Variants in TYMS observed in about 807,000 individuals in gnomAD.
TYMS encodes the protein thymidylate synthase.
Under a neutral mutation model 39.3 loss-of-function variants are expected in TYMS, and 21 were observed. The observed-to-expected ratio is 0.54, with a 90% CI of 0.38 to 0.77. The LOEUF (loss-of-function observed/expected upper bound fraction) is 0.77. Ranked by LOEUF, TYMS falls within the 30% of genes least tolerant of loss-of-function variation. TYMS has a pLI of 0.00. For synonymous variants in TYMS, 171 were observed against 162.2 expected (o/e 1.05, Z -0.41); for missense variants, 273 against 406.7 (o/e 0.67, Z 2.83).
At position 658,689 on chromosome 18, in the gene TYMS, G is replaced by T; in HGVS notation, c.205+742G>T. On this transcript the variant is annotated intron_variant, in intron 1 of 6. Transcript: ENST00000323274. This position sits in a 1 kb window ranked among gnomAD's most constrained non-coding sequence, Gnocchi z 4.5. ...TTAGGCAGCCGTTGGCCCTCCCTAA[G>T]GCCACACCGTCCTGCCGTCCTGGAT... 1 of 260,198 alleles carries T rather than the reference G, an allele frequency of 3.8e-6. No homozygotes were observed. 16.1% of individuals were successfully genotyped at this position (260,198 alleles called of 1,614,324 possible).
chr18:662,106 T>A (rs780511409), intron 2 of TYMS, 40 bp from the exon 3 acceptor site: 2 of 1,562,012 alleles, frequency 1.3e-6, no homozygotes, highest in East Asian at 4.5e-5. Flanking sequence ...TGGCTTAGGA[T>A]TTACCTGGAT....
rs1454862170 is a variant in TYMS at position 660,725 on chromosome 18, C to T, written c.279+1011C>T. On this transcript the variant is annotated intron_variant, in intron 2 of 6. Transcript: ENST00000323274. The surrounding 1 kb of genome is among the most constrained non-coding windows in gnomAD (Gnocchi z 4.6). ...ACAGGCAGCAGCCCAGACCAAGCTT[C>T]TCTGTGTTCCGTGTCCTGGTCTAGA... is the stretch of plus-strand genomic sequence containing the variant. Among the ~76,000 whole-genome samples the T allele has an allele frequency of 6.6e-6, 1 of 152,206 alleles. No individual in the cohort carries two copies. The highest frequency in any genetic ancestry group is 1.5e-5 in the Non-Finnish European group (1 of 68,042).
intron 6 of TYMS, 183 bp from the exon 7 acceptor site, chr18:672,677 C>A: frequency 1.8e-6 from 1 of 549,158 alleles, no homozygotes; most frequent in Non-Finnish European, 3.1e-6. Flanking sequence ...TCGATCTGTG[C>A]AAGAGAACAG....
At chr18:671,054 AT>A in intron 5 of TYMS, 187 bp downstream of exon 5, 1 of 677,286 alleles carries the variant, frequency 1.5e-6, no homozygotes, top group Non-Finnish European at 2.5e-6. Context: ...GCCCTGTGGT[AT>A]ACGCACTAAC....
chr18:666,569 C>T (rs2144291274), intron 3 of TYMS, among the ~76,000 whole-genome samples: 1 of 152,296 alleles, frequency 6.6e-6, no homozygotes, highest in East Asian at 1.9e-4. Context: ...ACTAGCTGGG[C>T]AGAGACCAGC....
chr18:666,888 GGGAGATGGTGAT>G (rs138881427), intron 3 of TYMS, among the ~76,000 whole-genome samples: 6,325 of 90,696 alleles, frequency 0.07, 971 homozygotes, highest in East Asian at 0.11. Context: ...GAAAAAGTTC[GGGAGATGGTGAT>G]GGAGATGGTG....
rs576822037 is a variant in TYMS, at chr18:658,435, C to G, written c.205+488C>G. 2.2e-6 allele frequency: 2 copies of G among 902,848 alleles called. No homozygotes were observed. The highest frequency in any genetic ancestry group is 1.6e-5 in the South Asian group (1 of 60,944). 55.9% of individuals were successfully genotyped at this position (902,848 alleles called of 1,614,324 possible). A position where few individuals can be genotyped will look rare whatever the true frequency, so the allele number is the denominator to read the frequency against. On this transcript the variant is annotated intron_variant, in intron 1 of 6. Coordinates refer to ENST00000323274, the MANE Select transcript of TYMS (RefSeq NM_001071.4). The surrounding 1 kb of genome is among the most constrained non-coding windows in gnomAD (Gnocchi z 4.5). ...CAAAGGCGGCGGGAAGAGGAGAGCA[C>G]TGAAGCTGGCGCGGGAACTTGGTTT...
At chr18:662,074 G>A (rs2074761760) in intron 2 of TYMS, 72 bp from the exon 3 acceptor site, 4 of 1,498,532 alleles carry the variant, frequency 2.7e-6, no homozygotes, top group Non-Finnish European at 3.6e-6. Flanking sequence ...TGTAAGTGGT[G>A]TCTCGGGGGG....
intron 3 of TYMS, chr18:667,804 G>A (rs2074887488): frequency 6.6e-6 from 1 of 152,144 alleles, no homozygotes; most frequent in African/African-American, 2.4e-5. Context: ...GTGTCCGTAG[G>A]ATGTGAGGCC....
intron 6 of TYMS, chr18:671,719 C>A: frequency 2.1e-6 from 1 of 477,744 alleles, no homozygotes; most frequent in South Asian, 3.0e-5. Flanking sequence ...AGGGGATTGT[C>A]CAAAAGGGGG....
intron 4 of TYMS, chr18:670,373 T>G (rs2074984103): frequency 4.1e-6 from 1 of 241,300 alleles, no homozygotes; most frequent in Non-Finnish European, 8.1e-6. Flanking sequence ...GAAGCACCAG[T>G]TTCCTGTGGC....
At chr18:670,512 T>C (rs2074991573) in intron 4 of TYMS, 180 bp from the exon 5 acceptor site, 2 of 617,136 alleles carry the variant, frequency 3.2e-6, no homozygotes, top group Admixed American at 3.0e-5. Context: ...CGATGGATAG[T>C]CTCCCTCAGC....
At chr18:667,675 C>G (rs1289948932) in intron 3 of TYMS, 1 of 152,018 alleles carries the variant, frequency 6.6e-6, no homozygotes, top group Non-Finnish European at 1.5e-5. Context: ...GAATTGCACA[C>G]AAAAATGGCA....
At position 658,362 on chromosome 18, in the gene TYMS, C is replaced by T; in HGVS notation, c.205+415C>T. Reference sequence around the variant, plus strand: ...CTCCGTTTTCCCCTGTGGACCATTCCGCTTCGCAGCGTTTTCAAAAACTGG... The same window carrying T: ...CTCCGTTTTCCCCTGTGGACCATTCTGCTTCGCAGCGTTTTCAAAAACTGG... On this transcript the variant is annotated intron_variant, in intron 1 of 6. Transcript: ENST00000323274. This position sits in a 1 kb window ranked among gnomAD's most constrained non-coding sequence, Gnocchi z 4.5. The T allele has an allele frequency of 7.8e-7, 1 of 1,289,706 alleles. No individual in the cohort carries two copies. The highest frequency in any genetic ancestry group is 5.2e-5 in the East Asian group (1 of 19,122). The allele number at this position is 1,289,706 out of a possible 1,614,324, so 79.9% of individuals were successfully genotyped here.
At chr18:671,518 G>T in intron 6 of TYMS, 67 bp downstream of exon 6, 4 of 1,034,030 alleles carry the variant, frequency 3.9e-6, no homozygotes, top group South Asian at 2.6e-5. Context: ...CTGTGGAACA[G>T]GCATCTGCTC....
At chr18:664,487 T>G (rs2074787717) in intron 3 of TYMS, among the ~76,000 whole-genome samples, 1 of 141,294 alleles carries the variant, frequency 7.1e-6, no homozygotes, top group Admixed American at 7.0e-5. Flanking sequence ...ACTTCCTCTT[T>G]TCCTAATTGA....
chr18:668,980 G>T, intron 3 of TYMS, 92 bp from the exon 4 acceptor site: 1 of 1,064,006 alleles, frequency 9.4e-7, no homozygotes, highest in Non-Finnish European at 1.4e-6. Context: ...GGGGACCCTG[G>T]GTAAGAGACT....
chr18:668,569 C>A (rs2074905136), intron 3 of TYMS, among the ~76,000 whole-genome samples: 2 of 152,122 alleles, frequency 1.3e-5, no homozygotes, highest in Admixed American at 1.3e-4. Context: ...TGGAAACATG[C>A]TGCTGAGGTG....
chr18:658,184 AGCGGCTCCGCGGCCGG>A lies in TYMS; in HGVS notation c.205+240_205+255del. 6.4e-7 allele frequency: 1 copy of A among 1,554,386 alleles called. No homozygotes were observed. Among genetic ancestry groups the A allele is most frequent in the Non-Finnish European group, 8.7e-7 (1 of 1,149,028 alleles). On this transcript the variant is annotated intron_variant, in intron 1 of 6. Coordinates refer to ENST00000323274, the MANE Select transcript of TYMS (RefSeq NM_001071.4). The surrounding 1 kb of genome is among the most constrained non-coding windows in gnomAD (Gnocchi z 4.5). ...ACAGCCGGGAGGTAAGCCGCGTCCCAGCGGCTCCGCGGCCGGGCTCGCAGTCGCCCCAGTGATGCCG... is the reference window on the plus strand; with the variant it reads ...ACAGCCGGGAGGTAAGCCGCGTCCCAGCTCGCAGTCGCCCCAGTGATGCCG...
Sources: gnomAD v4.1 joint callset for allele counts (sites outside exome capture counted in the v4.1 genomes callset) on GRCh38, gnomAD v4.1.1 for gene constraint, Gnocchi (gnomAD v3.1) non-coding constraint, MANE v1.5 for transcripts, NCBI Gene and HGNC (gene_info 2026-07-23, HGNC 2026-07-21) for gene names.